The following RGS7 variants were observed in gnomAD, a reference collection of about 807,000 sequenced individuals.
RGS7 encodes regulator of G-protein signaling 7.
RGS7 carries 27 observed loss-of-function variants against 81.1 expected under a neutral mutation model. The observed-to-expected ratio is 0.33, with a 90% CI of 0.25 to 0.46. RGS7 has a LOEUF of 0.46. Ranked by LOEUF, RGS7 falls within the 20% of genes least tolerant of loss-of-function variation. RGS7 has a pLI of 1.00. For synonymous variants in RGS7, 208 were observed against 207.7 expected (o/e 1.00, Z -0.01); for missense variants, 396 against 607.4 (o/e 0.65, Z 3.66).
rs139495730 is a variant in RGS7, at chr1:241,309,879, A to G, written c.78+45820T>C. On this transcript the variant is annotated intron_variant, in intron 2 of 18. Transcript: ENST00000440928. ...TAGCACAGATTCAAGAATCACCATG[A>G]TTGCCTTCGTTCAACAGCTTATGAC... 2.5e-3 allele frequency among the ~76,000 whole-genome samples: 381 copies of G among 152,270 alleles called. 12 individuals are homozygous for G. The South Asian group carries it at 0.049, about 20-fold the overall frequency.
At chr1:240,986,297 T>C (rs1685655885) in intron 3 of RGS7, among the ~76,000 whole-genome samples, 1 of 152,212 alleles carries the variant, frequency 6.6e-6, no homozygotes, top group Non-Finnish European at 1.5e-5. Context: ...TGCTCATAGT[T>C]TTCTACCTGC....
At chr1:241,069,252 G>A (rs1010050427) in intron 3 of RGS7, among the ~76,000 whole-genome samples, 2 of 152,202 alleles carry the variant, frequency 1.3e-5, no homozygotes, top group Non-Finnish European at 2.9e-5. Context: ...TTTCAAACCA[G>A]TAGTGTATTT....
At chr1:240,782,613 G>A (rs1387824275) in intron 18 of RGS7, among the ~76,000 whole-genome samples, 3 of 151,928 alleles carry the variant, frequency 2.0e-5, no homozygotes, top group African/African-American at 7.3e-5. Flanking sequence ...GTAGAGATGA[G>A]GTCTCATTAT....
chr1:240,933,135 G>A (rs1451773185), intron 5 of RGS7, among the ~76,000 whole-genome samples: 4 of 151,218 alleles, frequency 2.6e-5, no homozygotes, highest in Admixed American at 6.6e-5. Flanking sequence ...GCCCCCCTCG[G>A]CCCCACAAAG....
chr1:241,235,739 T>TTCTC (rs139518825), intron 2 of RGS7, among the ~76,000 whole-genome samples: 1 of 148,624 alleles, frequency 6.7e-6, no homozygotes, highest in Non-Finnish European at 1.5e-5. Flanking sequence ...TTCCTTCTCT[T>TTCTC]TCTCTCTCTC....
At chr1:240,853,364 T>C (rs115768070) in intron 9 of RGS7, among the ~76,000 whole-genome samples, 21 of 152,314 alleles carry the variant, frequency 1.4e-4, no homozygotes, top group Non-Finnish European at 2.8e-4. Flanking sequence ...AAAAATTATA[T>C]TATTTACATT....
At chr1:241,125,105 G>C (rs1257738971) in intron 2 of RGS7, among the ~76,000 whole-genome samples, 1 of 152,102 alleles carries the variant, frequency 6.6e-6, no homozygotes, top group Non-Finnish European at 1.5e-5. Context: ...ATGTAGGATT[G>C]CTTTGACCCT....
At chr1:241,015,134 A>G (rs747581987) in intron 3 of RGS7, among the ~76,000 whole-genome samples, 6 of 152,222 alleles carry the variant, frequency 3.9e-5, no homozygotes, top group Non-Finnish European at 8.8e-5. Context: ...CACAGTTTCA[A>G]AAAGCTTTAG....
At chr1:241,342,479 T>C (rs2082624120) in intron 2 of RGS7, among the ~76,000 whole-genome samples, 1 of 152,180 alleles carries the variant, frequency 6.6e-6, no homozygotes, top group African/African-American at 2.4e-5. Context: ...GCTAATGAAA[T>C]TACAAATTAG....
chr1:240,982,886 C>T (rs1685130942), intron 4 of RGS7, among the ~76,000 whole-genome samples, 193 bp downstream of exon 4: 1 of 152,038 alleles, frequency 6.6e-6, no homozygotes, highest in South Asian at 2.1e-4. Context: ...AAAAATTGTA[C>T]AAATATGCTA....
At chr1:241,015,258 G>C (rs986723868) in intron 3 of RGS7, among the ~76,000 whole-genome samples, 5 of 152,100 alleles carry the variant, frequency 3.3e-5, no homozygotes, top group Non-Finnish European at 7.4e-5. Flanking sequence ...GAAATTTCAA[G>C]TTTCATTATG....
At chr1:240,806,804 C>T (rs2103073766) in intron 14 of RGS7, among the ~76,000 whole-genome samples, 1 of 151,812 alleles carries the variant, frequency 6.6e-6, no homozygotes, top group African/African-American at 2.4e-5. Context: ...GATGTTCTGT[C>T]CATTTCAGCA....
In RGS7 at chr1:241,198,809, C is replaced by T. The variant is rs535241197; in HGVS notation, c.79-100047G>A. Among the ~76,000 whole-genome samples the T allele has an allele frequency of 1.4e-4, 22 of 152,112 alleles. No homozygotes were observed. The South Asian group carries it at 3.7e-3, about 26-fold the overall frequency. On this transcript the variant is annotated intron_variant, in intron 2 of 18. Coordinates refer to ENST00000440928, the MANE Select transcript of RGS7 (RefSeq NM_001364886.1). Reference sequence around the variant, plus strand: ...AAGTTCTTTCAGGAAACAGAAAAAACGTGGAACATTTTCCAGCTGTTTTTT... The same window carrying T: ...AAGTTCTTTCAGGAAACAGAAAAAATGTGGAACATTTTCCAGCTGTTTTTT...
intron 2 of RGS7, among the ~76,000 whole-genome samples, chr1:241,139,511 T>G (rs1258648985): frequency 6.6e-6 from 1 of 152,206 alleles, no homozygotes; most frequent in Non-Finnish European, 1.5e-5. Flanking sequence ...GGGTAAATAG[T>G]GGATATTTGA....
At chr1:241,224,715 C>T (rs140868619) in intron 2 of RGS7, among the ~76,000 whole-genome samples, 8 of 152,206 alleles carry the variant, frequency 5.3e-5, no homozygotes, top group African/African-American at 1.7e-4. Context: ...TGAGACAGCA[C>T]GAAGGCCCAT....
chr1:240,974,263 C>T (rs1175155992), intron 4 of RGS7, among the ~76,000 whole-genome samples: 2 of 152,058 alleles, frequency 1.3e-5, no homozygotes, highest in Non-Finnish European at 2.9e-5. Flanking sequence ...AAGTTTTTAT[C>T]CTAGATAAAT....
At chr1:241,345,448 A>C (rs760817174) in intron 2 of RGS7, among the ~76,000 whole-genome samples, 1 of 152,202 alleles carries the variant, frequency 6.6e-6, no homozygotes, top group Non-Finnish European at 1.5e-5. Context: ...GAAAACTAAA[A>C]TGTAATCATG....
rs142764567 is a variant in RGS7, at chr1:240,870,428, C to T, written c.386-309G>A. 3.3e-5 allele frequency among the ~76,000 whole-genome samples: 5 copies of T among 152,188 alleles called. No homozygotes were observed. In the East Asian group the frequency reaches 9.7e-4, roughly 29 times the overall value. ...GATCCTTGTTCACTGCAGCCACACA[C>T]TCCTAGGCTCAATTGATCCTTTCGC... On this transcript the variant is annotated intron_variant, in intron 6 of 18. Coordinates refer to ENST00000440928, the MANE Select transcript of RGS7 (RefSeq NM_001364886.1).
At chr1:240,919,746 C>G (rs1673192257) in intron 6 of RGS7, 1 of 643,540 alleles carries the variant, frequency 1.6e-6, no homozygotes, top group Non-Finnish European at 2.8e-6. Context: ...CCTGAGGGGC[C>G]ATTTTCAGCA....
Sources: allele counts gnomAD v4.1 joint callset (sites outside exome capture counted in the v4.1 genomes callset), GRCh38; gene constraint gnomAD v4.1.1; transcripts MANE v1.5; gene names NCBI Gene and HGNC (gene_info 2026-07-23, HGNC 2026-07-21).